The following DHX15 variants were observed in gnomAD, a reference collection of about 807,000 sequenced individuals.
DHX15 encodes the protein ATP-dependent RNA helicase DHX15.
Under a neutral mutation model 94.4 loss-of-function variants are expected in DHX15, and 11 were observed. That is an observed-to-expected ratio of 0.12 (90% CI 0.07 to 0.19). The LOEUF (loss-of-function observed/expected upper bound fraction) is 0.19. Among genes scored for constraint, DHX15 ranks in the 10% least tolerant of loss-of-function variants. The pLI is 1.00. For missense variants in DHX15, 304 were observed against 988.5 expected (o/e 0.31, Z 9.29); for synonymous variants, 338 against 329.9 (o/e 1.02, Z -0.27).
intron 5 of DHX15, among the ~76,000 whole-genome samples, chr4:24,552,130 C>A (rs1396811353): frequency 6.6e-6 from 1 of 152,132 alleles, no homozygotes; most frequent in Non-Finnish European, 1.5e-5. Flanking sequence ...GAGAATGCCA[C>A]AAAACTTATC....
intron 3 of DHX15, among the ~76,000 whole-genome samples, chr4:24,557,054 G>GAAA (rs1278092615): frequency 7.2e-5 from 11 of 152,110 alleles, no homozygotes; most frequent in Non-Finnish European, 1.0e-4. Flanking sequence ...ACGTCAGATT[G>GAAA]ATCAATGAAC....
At chr4:24,554,362 C>G (rs1401220306) in intron 5 of DHX15, among the ~76,000 whole-genome samples, 1 of 152,144 alleles carries the variant, frequency 6.6e-6, no homozygotes, top group Non-Finnish European at 1.5e-5. Context: ...GAATAGGCAC[C>G]CAAGTTCACT....
chr4:24,536,529 T>C (rs1721202853), intron 11 of DHX15, among the ~76,000 whole-genome samples: 1 of 152,164 alleles, frequency 6.6e-6, no homozygotes, highest in Admixed American at 6.5e-5. Flanking sequence ...TCATTATCAA[T>C]AATAATGCCA....
intron 11 of DHX15, chr4:24,533,354 T>C (rs932376976): frequency 3.2e-4 from 132 of 407,034 alleles, no homozygotes; most frequent in Middle Eastern, 7.4e-4. Context: ...TTCCAAAAGA[T>C]GGTCTATCAG....
intron 6 of DHX15, among the ~76,000 whole-genome samples, chr4:24,547,927 A>ATATC (rs1560765863): frequency 0.14 from 14,311 of 102,930 alleles, 1,148 homozygotes; most frequent in Middle Eastern, 0.29. Flanking sequence ...ATATATATAT[A>ATATC]TATATATATA....
intron 5 of DHX15, among the ~76,000 whole-genome samples, chr4:24,552,353 T>A (rs1721627224): frequency 6.6e-6 from 1 of 152,202 alleles, no homozygotes; most frequent in African/African-American, 2.4e-5. Context: ...AAAAAAAATT[T>A]ACTAAGCAAA....
intron 10 of DHX15, chr4:24,539,211 T>G (rs184332842): frequency 5.6e-4 from 85 of 152,312 alleles, no homozygotes; most frequent in Admixed American, 2.5e-3. Flanking sequence ...TTTTTTCAAT[T>G]TATCCTTTAA....
At chr4:24,584,224 G>T in intron 1 of DHX15, 99 bp downstream of exon 1, 1 of 1,241,206 alleles carries the variant, frequency 8.1e-7, no homozygotes, top group South Asian at 1.3e-5. Context: ...ACAAAGGCTC[G>T]GGCTCCAGGA....
intron 11 of DHX15, among the ~76,000 whole-genome samples, chr4:24,535,035 A>G (rs889217149): frequency 1.3e-5 from 2 of 151,920 alleles, no homozygotes; most frequent in African/African-American, 4.8e-5. Context: ...CCTTTAACTA[A>G]TAAGGACAGC....
chr4:24,551,018 T>G (rs1721591065), intron 5 of DHX15, among the ~76,000 whole-genome samples: 1 of 152,162 alleles, frequency 6.6e-6, no homozygotes, highest in African/African-American at 2.4e-5. Flanking sequence ...AAGTTTGTCT[T>G]GACCAAAACG....
intron 13 of DHX15, 92 bp from the exon 14 acceptor site, chr4:24,528,133 G>C: frequency 1.3e-6 from 1 of 771,772 alleles, no homozygotes; most frequent in Non-Finnish European, 2.2e-6. Context: ...TTAATATACT[G>C]ATGAACCAAG....
intron 13 of DHX15, among the ~76,000 whole-genome samples, chr4:24,529,339 C>T (rs1228656287): frequency 1.3e-5 from 2 of 152,124 alleles, no homozygotes; most frequent in East Asian, 1.9e-4. Flanking sequence ...ATGCCCAGCC[C>T]CTGAAGAAAC....
At chr4:24,575,529 T>C (rs1267107841) in intron 2 of DHX15, among the ~76,000 whole-genome samples, 1 of 152,202 alleles carries the variant, frequency 6.6e-6, no homozygotes, top group African/African-American at 2.4e-5. Context: ...AATTCACGTT[T>C]TAATAGTTTC....
chr4:24,583,222 T>C (rs949962288), intron 1 of DHX15, among the ~76,000 whole-genome samples: 7 of 152,202 alleles, frequency 4.6e-5, no homozygotes, highest in Admixed American at 4.6e-4. Flanking sequence ...CAGGTCTTTG[T>C]ACTTCATCAA....
chr4:24,582,818 G>A (rs1722447378), intron 1 of DHX15, among the ~76,000 whole-genome samples: 1 of 152,178 alleles, frequency 6.6e-6, no homozygotes, highest in African/African-American at 2.4e-5. Flanking sequence ...ATACAGCTCA[G>A]AGGTATTAAC....
At chr4:24,555,097 G>A (rs1178818873) in intron 4 of DHX15, among the ~76,000 whole-genome samples, 154 bp from the exon 5 acceptor site, 1 of 151,504 alleles carries the variant, frequency 6.6e-6, no homozygotes, top group Non-Finnish European at 1.5e-5. Context: ...ATACATAATG[G>A]CTGAACTATA....
At chr4:24,579,228 T>C (rs533225040) in intron 1 of DHX15, among the ~76,000 whole-genome samples, 1 of 152,316 alleles carries the variant, frequency 6.6e-6, no homozygotes, top group East Asian at 1.9e-4. Context: ...AGTCTCAGAT[T>C]AAAGTAAGAA....
At chr4:24,534,018 A>C (rs1721143813) in intron 11 of DHX15, 1 of 152,240 alleles carries the variant, frequency 6.6e-6, no homozygotes, top group Non-Finnish European at 1.5e-5. Context: ...CAAATATATA[A>C]GTACATTTTT....
At position 24,576,618 on chromosome 4, in the gene DHX15, A is replaced by C. The variant is rs1722272790; in HGVS notation, c.132T>G (p.Arg44=). Residue 44 remains arginine (R), a synonymous_variant, in exon 2 of 14, where the codon CGT becomes CGG. Transcript: ENST00000336812. ...TCTCTCGCTCTCTATCTCCTCTATC[A>C]CGTTCTCGGTCTCGATCTTTAGACC... ...EDRSKDRDRE[R]DRGDRERERE... 1.9e-6 allele frequency: 3 copies of C among 1,613,022 alleles called. No homozygotes were observed. In the Admixed American group the frequency reaches 5.0e-5, roughly 27 times the overall value.
Sources: gnomAD v4.1 joint callset for allele counts (sites outside exome capture counted in the v4.1 genomes callset) on GRCh38, gnomAD v4.1.1 for gene constraint, MANE v1.5 for transcripts, NCBI Gene and HGNC (gene_info 2026-07-23, HGNC 2026-07-21) for gene names.